VPS54: variants seen among roughly 807,000 people sequenced by gnomAD.
VPS54 encodes the protein vacuolar protein sorting-associated protein 54.
VPS54 carries 45 observed loss-of-function variants against 121.5 expected under a neutral mutation model. The ratio of observed to expected loss-of-function variants is 0.37; its 90% CI spans 0.29 to 0.47. VPS54 has a LOEUF of 0.47. Among genes scored for constraint, VPS54 ranks in the 20% least tolerant of loss-of-function variants. The pLI is 0.99. For synonymous variants in VPS54, 371 were observed against 385.8 expected (o/e 0.96, Z 0.45); for missense variants, 1,090 against 1,131.4 (o/e 0.96, Z 0.52).
intron 1 of VPS54, among the ~76,000 whole-genome samples, chr2:63,985,434 T>A (rs1677004192): frequency 6.6e-6 from 1 of 152,120 alleles, no homozygotes; most frequent in South Asian, 2.1e-4. Context: ...AAAATATGTA[T>A]CTGTCTCAGT....
chr2:63,994,160 T>A (rs774866464), intron 1 of VPS54, among the ~76,000 whole-genome samples: 1 of 152,154 alleles, frequency 6.6e-6, no homozygotes, highest in Non-Finnish European at 1.5e-5. Flanking sequence ...CACAGACCCA[T>A]CTAACCAATC....
Position 63,976,825 on chromosome 2 carries a change from C to CTTTTTTTTTTTT in VPS54, c.379-4593_379-4582dup, listed in dbSNP as rs1174931536. Among the ~76,000 whole-genome samples the CTTTTTTTTTTTT allele has an allele frequency of 8.0e-4, 72 of 89,672 alleles. 2 individuals carry two copies. The highest frequency in any genetic ancestry group is 2.8e-3 in the African/African-American group (67 of 24,174). 58.8% of individuals were successfully genotyped at this position (89,672 alleles called of 152,430 possible). ...TTGATACTAGTAGCTTATATCTTCTCTTTTTTTTTTTTTTTTTTTTTGAGA... is the reference window on the plus strand; with the variant it reads ...TTGATACTAGTAGCTTATATCTTCTCTTTTTTTTTTTTTTTTTTTTTTTTTTTTTTTTTGAGA... On this transcript the variant is annotated intron_variant, in intron 3 of 22. Transcript: ENST00000272322.
chr2:63,989,130 G>C (rs1677195274), intron 1 of VPS54, among the ~76,000 whole-genome samples: 1 of 152,146 alleles, frequency 6.6e-6, no homozygotes, highest in Non-Finnish European at 1.5e-5. Flanking sequence ...TTCCTGCCTA[G>C]TAAATTGTAG....
At chr2:63,987,035 G>A (rs1317096732) in intron 1 of VPS54, among the ~76,000 whole-genome samples, 2 of 152,102 alleles carry the variant, frequency 1.3e-5, no homozygotes, top group Admixed American at 6.6e-5. Flanking sequence ...TCCTCACTTT[G>A]TTGTTTCCTT....
In VPS54 at chr2:63,912,584, G is replaced by T; in HGVS notation, c.2500C>A (p.Pro834Thr). The T allele has an allele frequency of 6.3e-7, 1 of 1,599,254 alleles. No individual in the cohort carries two copies. The highest frequency in any genetic ancestry group is 8.5e-7 in the Non-Finnish European group (1 of 1,176,606). ...TGCCTAAGCATGCTATATTGCTTAG[G>T]TGGTAGTCGAGCTTCAAAATGAGCC... Reference protein sequence around the residue: ...IRAHFEARLPPKQYSMLRHFD... With the variant: ...IRAHFEARLPTKQYSMLRHFD... Residue 834 changes from proline (P) to threonine (T), a missense_variant, in exon 19 of 23, where the codon CCT (proline) becomes ACT (threonine). Coordinates refer to ENST00000272322, the MANE Select transcript of VPS54 (RefSeq NM_016516.3).
chr2:63,971,123 C>T (rs1379780837), intron 4 of VPS54, among the ~76,000 whole-genome samples: 1 of 152,180 alleles, frequency 6.6e-6, no homozygotes, highest in Admixed American at 6.5e-5. Flanking sequence ...AATCATTTTG[C>T]TCCATTACCA....
At position 63,933,838 on chromosome 2, in the gene VPS54, C is replaced by G. The variant is rs201181966; in HGVS notation, c.1574G>C (p.Gly525Ala). 30 of 1,613,710 alleles carry G rather than the reference C, an allele frequency of 1.9e-5. No homozygotes were observed. Among genetic ancestry groups the G allele is most frequent in the Non-Finnish European group, 2.5e-5 (29 of 1,179,854 alleles). The stretch of plus-strand genomic sequence containing the variant: ...GTCAACTGCTATAGGTGTTAGCTCA[C>G]CCTCACCGAATGCATCACTTATAAA... ...GMFISDAFGE[G>A]ELTPIAVDTT... is the part of the protein sequence containing the mutation. Residue 525 changes from glycine to alanine, a missense_variant, in exon 12 of 23, where the codon GGT (glycine) becomes GCT (alanine). Gly to Ala is a moderately conservative substitution (Grantham distance 60). This residue lies in a region of VPS54 where 801 missense variants were observed against 757.0 expected (regional missense o/e 1.06). Transcript: ENST00000272322.
chr2:63,948,407 T>C (rs1675086601), intron 8 of VPS54, among the ~76,000 whole-genome samples: 1 of 142,196 alleles, frequency 7.0e-6, no homozygotes, highest in Non-Finnish European at 1.5e-5. Flanking sequence ...TAATGATCAC[T>C]TTTTCGGTTT....
chr2:63,940,315 A>T (rs978690127), intron 11 of VPS54, among the ~76,000 whole-genome samples: 1 of 152,186 alleles, frequency 6.6e-6, no homozygotes, highest in East Asian at 1.9e-4. Context: ...TTCACAGAAA[A>T]AAGTACCATA....
intron 13 of VPS54, 107 bp downstream of exon 13, chr2:63,921,099 G>C: frequency 8.2e-7 from 1 of 1,218,474 alleles, no homozygotes; most frequent in Non-Finnish European, 1.1e-6. Context: ...TTTATTAAAT[G>C]TTAAAAATAT....
chr2:64,007,832 C>T (rs552023226), intron 1 of VPS54, among the ~76,000 whole-genome samples: 1 of 152,114 alleles, frequency 6.6e-6, no homozygotes, highest in South Asian at 2.1e-4. Flanking sequence ...AAGTAAAGTG[C>T]GAACAGTAAG....
intron 12 of VPS54, among the ~76,000 whole-genome samples, chr2:63,930,551 A>C (rs1296486155): frequency 6.6e-6 from 1 of 152,358 alleles, no homozygotes; most frequent in African/African-American, 2.4e-5. Context: ...ACCCACAGCC[A>C]ATATAATACT....
At chr2:63,977,851 GAGTT>G (rs1397562973) in intron 3 of VPS54, among the ~76,000 whole-genome samples, 1 of 152,240 alleles carries the variant, frequency 6.6e-6, no homozygotes, top group African/African-American at 2.4e-5. Flanking sequence ...ATCTGGCTAA[GAGTT>G]AGGCTTTATT....
At chr2:63,927,969 A>G (rs900017627) in intron 12 of VPS54, among the ~76,000 whole-genome samples, 3 of 152,214 alleles carry the variant, frequency 2.0e-5, no homozygotes, top group African/African-American at 4.8e-5. Context: ...GAGAAAAAAG[A>G]GTGAAAAGAA....
At chr2:63,913,109 G>A in intron 18 of VPS54, 114 bp downstream of exon 18, 1 of 793,706 alleles carries the variant, frequency 1.3e-6, no homozygotes, top group South Asian at 2.4e-5. Flanking sequence ...TTTATTTTTA[G>A]AGTAATGCCA....
At chr2:63,971,941 A>C (rs1215141248) in intron 4 of VPS54, among the ~76,000 whole-genome samples, 1 of 152,214 alleles carries the variant, frequency 6.6e-6, no homozygotes. Flanking sequence ...GAACATACCA[A>C]CCACGAAGAT....
chr2:64,015,371 TAG>T (rs1298664817), intron 1 of VPS54, among the ~76,000 whole-genome samples: 2 of 152,110 alleles, frequency 1.3e-5, no homozygotes, highest in African/African-American at 4.8e-5. Context: ...TGCAAAGAAA[TAG>T]AGTTAGTTGC....
Position 64,019,219 on chromosome 2 carries a change from T to G in VPS54, c.-302A>C, listed in dbSNP as rs1457123351. The G allele has an allele frequency of 6.6e-6, 1 of 151,490 alleles. No individual in the cohort carries two copies. The highest frequency in any genetic ancestry group is 1.5e-5 in the Non-Finnish European group (1 of 68,462). 9.4% of individuals were successfully genotyped at this position (151,490 alleles called of 1,614,324 possible). ...CTGTCAGCCAGCAGTTTCCCCCGGG[T>G]CCGCAGCGCCGCCTCCGCCGCTGCT... On this transcript the variant is annotated 5_prime_UTR_variant, in exon 1 of 23. Transcript: ENST00000272322.
intron 3 of VPS54, among the ~76,000 whole-genome samples, chr2:63,973,691 C>G (rs1373567656): frequency 6.6e-6 from 1 of 152,132 alleles, no homozygotes; most frequent in African/African-American, 2.4e-5. Flanking sequence ...CAGGTCCACA[C>G]CACCATGCCT....
Sources: allele counts gnomAD v4.1 joint callset (sites outside exome capture counted in the v4.1 genomes callset), GRCh38; gene constraint gnomAD v4.1.1; regional missense constraint gnomAD v4.1.1; transcripts MANE v1.5; gene names NCBI Gene and HGNC (gene_info 2026-07-23, HGNC 2026-07-21).